RASIP1: variants seen among roughly 807,000 people sequenced by gnomAD.
The protein encoded by RASIP1 is ras-interacting protein 1.
In RASIP1, 20 loss-of-function variants were observed where a neutral mutation model predicts 85.3. The observed-to-expected ratio is 0.23, with a 90% confidence interval of 0.17 to 0.34. The LOEUF (loss-of-function observed/expected upper bound fraction) is 0.34, where lower values mean the gene tolerates loss of function less well. Ranked by LOEUF, RASIP1 falls within the 10% of genes least tolerant of loss-of-function variation. The pLI, the probability that RASIP1 is intolerant of heterozygous loss-of-function variation, is 1.00. For missense variants in RASIP1, 1,170 were observed against 1,390.9 expected (o/e 0.84, Z 2.53); for synonymous variants, 617 against 647.1 (o/e 0.95, Z 0.71).
intron 4 of RASIP1, among the ~76,000 whole-genome samples, chr19:48,733,996 C>T (rs402900): frequency 0.92 from 140,283 of 152,150 alleles, 64,827 homozygotes; most frequent in Middle Eastern, 0.98. Context: ...AAAAATTTTT[C>T]ATTAAAAAAT....
intron 10 of RASIP1, among the ~76,000 whole-genome samples, chr19:48,722,408 C>A (rs527463145): frequency 6.7e-6 from 1 of 150,140 alleles, no homozygotes; most frequent in African/African-American, 2.5e-5. Context: ...CTCAAACTCC[C>A]GGCTCAAGTG....
intron 3 of RASIP1, among the ~76,000 whole-genome samples, chr19:48,735,790 C>G (rs539115344): frequency 6.0e-5 from 9 of 148,780 alleles, no homozygotes; most frequent in Non-Finnish European, 1.2e-4. Context: ...ATCATTTGTT[C>G]TTCTTTTTTT....
chr19:48,728,975 G>T lies in RASIP1; in HGVS notation c.1795C>A (p.Leu599Met). The change falls in exon 5 of 12, where the codon CTG becomes ATG. Residue 599 changes from leucine (L) to methionine (M), a missense_variant. This residue lies in a region of RASIP1 where 426 missense variants were observed against 576.2 expected (regional missense o/e 0.74). Transcript: ENST00000222145. ...TTGATGAGCCGGGCCAGGCGGCCCA[G>T]CAGTCGTGGCAGGTGGCCCAGCTCC... is the stretch of plus-strand genomic sequence containing the variant. The part of the protein sequence containing the change: ...ELELGHLPRL[L>M]GRLARLIKEA... The T allele has an allele frequency of 6.9e-7, 1 of 1,457,214 alleles. No individual in the cohort carries two copies. The highest frequency in any genetic ancestry group is 9.0e-7 in the Non-Finnish European group (1 of 1,113,520). The allele number at this position is 1,457,214 out of a possible 1,614,324, so 90.3% of individuals were successfully genotyped here. A position where few individuals can be genotyped will look rare whatever the true frequency, so the allele number is the denominator to read the frequency against.
chr19:48,721,709 A>C (rs519757), intron 11 of RASIP1, 145 bp downstream of exon 11: 594,228 of 1,074,532 alleles, frequency 0.55, 173,898 homozygotes, highest in Middle Eastern at 0.64. Context: ...AGGCTGAGGC[A>C]GGAGAATCGC....
chr19:48,727,877 G>A (rs1308088833), intron 5 of RASIP1, among the ~76,000 whole-genome samples: 2 of 151,642 alleles, frequency 1.3e-5, no homozygotes, highest in African/African-American at 4.8e-5. Flanking sequence ...TAGTAGAGAC[G>A]GGGTTTCACC....
intron 5 of RASIP1, among the ~76,000 whole-genome samples, chr19:48,728,569 G>A (rs996964809): frequency 2.0e-5 from 3 of 152,128 alleles, no homozygotes; most frequent in African/African-American, 7.2e-5. Context: ...TTCCAGACAA[G>A]CCTGGCCAAT....
At position 48,739,550 on chromosome 19, in the gene RASIP1, G is replaced by T; in HGVS notation, c.233C>A (p.Ala78Asp). The T allele has an allele frequency of 6.6e-7, 1 of 1,514,716 alleles. No homozygotes were observed. The highest frequency in any genetic ancestry group is 8.8e-7 in the Non-Finnish European group (1 of 1,136,032). The allele number at this position is 1,514,716 out of a possible 1,614,324, so 93.8% of individuals were successfully genotyped here. Residue 78 changes from alanine to aspartate, a missense_variant, in exon 3 of 12, where the codon GCC becomes GAC. Ala to Asp is a moderately radical substitution (Grantham distance 126). Coordinates refer to ENST00000222145, the MANE Select transcript of RASIP1 (RefSeq NM_017805.3). This position sits in a 1 kb window ranked among gnomAD's most constrained non-coding sequence, Gnocchi z 9.2. The stretch of plus-strand genomic sequence containing the variant: ...GGCGCGGCTACCGGAGGCTCCCCCG[G>T]CCGCCTTGACAGCGCCCACTCGCCG... ...ELRRVGAVKA[A>D]GGASGSRAKR...
chr19:48,720,640 C>A lies in RASIP1; in HGVS notation c.*158G>T. 1.3e-6 allele frequency: 1 copy of A among 772,554 alleles called. No homozygotes were observed. Among genetic ancestry groups the A allele is most frequent in the Non-Finnish European group, 2.2e-6 (1 of 460,296 alleles). 47.9% of individuals were successfully genotyped at this position (772,554 alleles called of 1,614,324 possible). ...CTGGCATTCACATCCTAAGCCCATG[C>A]TCCCACCGTCCCATCCGCTACTTCC... On this transcript the variant is annotated 3_prime_UTR_variant, in exon 12 of 12. Coordinates refer to ENST00000222145, the MANE Select transcript of RASIP1 (RefSeq NM_017805.3).
chr19:48,738,668 A>C lies in RASIP1; in HGVS notation c.823+292T>G. 2 of 261,574 alleles carry C rather than the reference A, an allele frequency of 7.6e-6. No homozygotes were observed. The highest frequency in any genetic ancestry group is 1.2e-3 in the Middle Eastern group (1 of 828). 16.2% of individuals were successfully genotyped at this position (261,574 alleles called of 1,614,324 possible). On this transcript the variant is annotated intron_variant, in intron 3 of 11. Coordinates refer to ENST00000222145, the MANE Select transcript of RASIP1 (RefSeq NM_017805.3). This position sits in a 1 kb window ranked among gnomAD's most constrained non-coding sequence, Gnocchi z 4.0. Reference sequence around the variant, plus strand: ...GAGCCACTTCAGGCCACTCCAAGCCACCACCAGCAACCAGCCCCCGTCCCG... The same window carrying C: ...GAGCCACTTCAGGCCACTCCAAGCCCCCACCAGCAACCAGCCCCCGTCCCG...
At chr19:48,733,152 G>A (rs571196499) in intron 4 of RASIP1, among the ~76,000 whole-genome samples, 1 of 152,292 alleles carries the variant, frequency 6.6e-6, no homozygotes, top group South Asian at 2.1e-4. Flanking sequence ...AGCCTCCTGG[G>A]TAGCTGAGAC....
In RASIP1 at chr19:48,729,108, C is replaced by T; in HGVS notation, c.1662G>A (p.Ala554=). The T allele has an allele frequency of 1.5e-6, 2 of 1,372,604 alleles. No individual in the cohort carries two copies. Among genetic ancestry groups the T allele is most frequent in the South Asian group, 1.6e-5 (1 of 63,494 alleles). The allele number at this position is 1,372,604 out of a possible 1,614,324, so 85.0% of individuals were successfully genotyped here. Residue 554 remains alanine (A), a synonymous_variant, in exon 5 of 12, where the codon GCG becomes GCA. Coordinates refer to ENST00000222145, the MANE Select transcript of RASIP1 (RefSeq NM_017805.3). ...CGGCGCGCACGATCTCGCCCAGCAGCGCCTCCTCCTCGCGCGGCCGGAAGC... is the reference window on the plus strand; with the variant it reads ...CGGCGCGCACGATCTCGCCCAGCAGTGCCTCCTCCTCGCGCGGCCGGAAGC... ...VLRFRPREEE[A]LLGEIVRAAA... is the part of the protein sequence containing the mutation.
At position 48,740,083 on chromosome 19, in the gene RASIP1, G is replaced by A; in HGVS notation, c.137+63C>T. On this transcript the variant is annotated intron_variant, in intron 2 of 11. Transcript: ENST00000222145. The surrounding 1 kb of genome is among the most constrained non-coding windows in gnomAD (Gnocchi z 5.5). The stretch of plus-strand genomic sequence containing the variant: ...GCCAACACTTTGCAGGGACTGGGCA[G>A]TGAACAGGGACAGATGGGAAGCAGG... 6.7e-7 allele frequency: 1 copy of A among 1,495,706 alleles called. No individual in the cohort carries two copies. Among genetic ancestry groups the A allele is most frequent in the Non-Finnish European group, 8.9e-7 (1 of 1,126,386 alleles). 92.7% of individuals were successfully genotyped at this position (1,495,706 alleles called of 1,614,324 possible).
rs899457428 is a variant in RASIP1, at chr19:48,728,879, G to A, written c.1833+58C>T. On this transcript the variant is annotated intron_variant, in intron 5 of 11. Transcript: ENST00000222145. ...AAAAGGGTTGAAGGTAGGGAAGGGA[G>A]GCTGGAGAAGGGACTTGGGGCGCTG... 1.2e-5 allele frequency: 16 copies of A among 1,385,394 alleles called. No homozygotes were observed. The African/African-American group carries it at 2.5e-4, about 21-fold the overall frequency. 85.8% of individuals were successfully genotyped at this position (1,385,394 alleles called of 1,614,324 possible).
chr19:48,720,954 G>A lies in RASIP1; in HGVS notation c.2736C>T (p.Leu912=). 6.2e-7 allele frequency: 1 copy of A among 1,612,370 alleles called. No individual in the cohort carries two copies. The highest frequency in any genetic ancestry group is 8.5e-7 in the Non-Finnish European group (1 of 1,179,448). ...GGCGCAGGCGCGAGCTCCCCAGGGG[G>A]AGGATGAGGGGCGGGTGCGAGGAGA... ...ESFSSHPPLI[L]PLGSSRLRLT... The change falls in exon 12 of 12, where the codon CTC becomes CTT. Residue 912 remains leucine, a synonymous_variant. Transcript: ENST00000222145.
chr19:48,739,410 G>C lies in RASIP1; in HGVS notation c.373C>G (p.Pro125Ala). The stretch of plus-strand genomic sequence containing the variant: ...GGGGCCACGCCCGCCGCCAGCTCCG[G>C]CAGCTTCTTCTCGCTGGCCCAGCGC... ...AQRWASEKKL[P>A]ELAAGVAPEP... Residue 125 changes from proline (P) to alanine (A), a missense_variant, in exon 3 of 12, where the codon CCG (proline) becomes GCG (alanine). By Grantham distance (27) the Pro-to-Ala change is conservative. Around this residue, in one of 4 missense-constraint regions of RASIP1, gnomAD observed 299 missense variants for 394.4 expected, o/e 0.76. Transcript: ENST00000222145. This position sits in a 1 kb window ranked among gnomAD's most constrained non-coding sequence, Gnocchi z 9.2. The C allele has an allele frequency of 7.3e-7, 1 of 1,377,478 alleles. No individual in the cohort carries two copies. The highest frequency in any genetic ancestry group is 1.5e-5 in the African/African-American group (1 of 65,532). The allele number at this position is 1,377,478 out of a possible 1,614,324, so 85.3% of individuals were successfully genotyped here. A position where few individuals can be genotyped will look rare whatever the true frequency, so the allele number is the denominator to read the frequency against.
At chr19:48,736,761 G>A (rs995463274) in intron 3 of RASIP1, among the ~76,000 whole-genome samples, 10 of 152,194 alleles carry the variant, frequency 6.6e-5, no homozygotes, top group Middle Eastern at 3.2e-3. Context: ...CAGGCTGGGC[G>A]CGGTGGCTCA....
intron 4 of RASIP1, among the ~76,000 whole-genome samples, chr19:48,732,503 C>G (rs1339205284): frequency 2.0e-5 from 3 of 152,074 alleles, no homozygotes; most frequent in African/African-American, 7.2e-5. Flanking sequence ...ATCCGCCTGC[C>G]TCAGCCTCCC....
At chr19:48,734,543 A>C (rs1354902340) in intron 4 of RASIP1, among the ~76,000 whole-genome samples, 2 of 147,190 alleles carry the variant, frequency 1.4e-5, no homozygotes, top group Non-Finnish European at 3.0e-5. Context: ...GCTGGAGTGC[A>C]ATGGAACGAT....
chr19:48,737,894 C>A lies in RASIP1; in HGVS notation c.823+1066G>T, dbSNP rs2638283. 5 of 985,030 alleles carry A rather than the reference C, an allele frequency of 5.1e-6. No individual in the cohort carries two copies. In the South Asian group the frequency reaches 2.3e-4, roughly 46 times the overall value. 61.0% of individuals were successfully genotyped at this position (985,030 alleles called of 1,614,324 possible). On this transcript the variant is annotated intron_variant, in intron 3 of 11. Coordinates refer to ENST00000222145, the MANE Select transcript of RASIP1 (RefSeq NM_017805.3). The stretch of plus-strand genomic sequence containing the variant: ...ATTGTCCGTGCTTACTCTTCCGGCT[C>A]CTAGGTCTCCAATTCCTTTTTCTTT...
Sources: allele counts gnomAD v4.1 joint callset (sites outside exome capture counted in the v4.1 genomes callset), GRCh38; gene constraint gnomAD v4.1.1; regional missense constraint gnomAD v4.1.1; non-coding constraint Gnocchi (gnomAD v3.1); transcripts MANE v1.5; gene names NCBI Gene and HGNC (gene_info 2026-07-23, HGNC 2026-07-21).